Variants in CDK19 observed in about 807,000 individuals in gnomAD.
CDK19 encodes the protein cyclin-dependent kinase 19.
Under a neutral mutation model 68.3 loss-of-function variants are expected in CDK19, and 20 were observed. That is an observed-to-expected ratio of 0.29 (90% CI 0.21 to 0.43). CDK19 has a LOEUF of 0.43. Among genes scored for constraint, CDK19 ranks in the 20% least tolerant of loss-of-function variants. CDK19 has a pLI of 1.00. For missense variants in CDK19, 339 were observed against 623.5 expected, an observed-to-expected ratio of 0.54 and a Z score of 4.86; for synonymous variants, 221 against 222.8, an observed-to-expected ratio of 0.99 and a Z score of 0.07.
chr6:110,751,465 T>C (rs1240637143), intron 1 of CDK19, among the ~76,000 whole-genome samples: 2 of 152,068 alleles, frequency 1.3e-5, no homozygotes, highest in South Asian at 2.1e-4. Context: ...GATGGGACCA[T>C]CTAGTTGCAG....
Position 110,758,942 on chromosome 6 carries a change from T to C in CDK19, c.129-12741A>G, listed in dbSNP as rs1011779033. 2.4e-4 allele frequency among the ~76,000 whole-genome samples: 37 copies of C among 151,248 alleles called. 1 individual carries two copies. The highest frequency in any genetic ancestry group is 8.7e-4 in the African/African-American group (36 of 41,222). On this transcript the variant is annotated intron_variant, in intron 1 of 12. Transcript: ENST00000368911. ...TTCATGAAATCATCTCAAATATAAATATCAATGAAAAATAAATACTTAAAA... is the reference window on the plus strand; with the variant it reads ...TTCATGAAATCATCTCAAATATAAACATCAATGAAAAATAAATACTTAAAA...
chr6:110,773,228 C>G lies in CDK19; in HGVS notation c.129-27027G>C, dbSNP rs541718524. ...GGCGTGATGGTGCGTGTCTGTAGTT[C>G]CAGCTACTTGGGAGGCTGAGGCAGG... On this transcript the variant is annotated intron_variant, in intron 1 of 12. Coordinates refer to ENST00000368911, the MANE Select transcript of CDK19 (RefSeq NM_015076.5). Among the ~76,000 whole-genome samples, 130 of 151,954 alleles carry G rather than the reference C, an allele frequency of 8.6e-4. 1 individual carries two copies. Among genetic ancestry groups the G allele is most frequent in the Admixed American group, 1.8e-3 (28 of 15,266 alleles).
intron 4 of CDK19, among the ~76,000 whole-genome samples, chr6:110,649,544 A>G (rs939877065): frequency 6.6e-6 from 1 of 152,238 alleles, no homozygotes; most frequent in Non-Finnish European, 1.5e-5. Flanking sequence ...TCCAATTATC[A>G]AAAGATAAAG....
Position 110,651,232 on chromosome 6 carries a change from A to AT in CDK19, c.457-12527_457-12526insA, listed in dbSNP as rs142094350. Among the ~76,000 whole-genome samples, 14 of 149,936 alleles carry AT rather than the reference A, an allele frequency of 9.3e-5. No homozygotes were observed. In the Middle Eastern group the frequency reaches 0.017, roughly 182 times the overall value. On this transcript the variant is annotated intron_variant, in intron 4 of 12. Transcript: ENST00000368911. ...ATTTTTAAATAGTTGAAATAGATCTACTATCTATCTATCTATCTATCTATC... is the reference window on the plus strand; with the variant it reads ...ATTTTTAAATAGTTGAAATAGATCTATCTATCTATCTATCTATCTATCTATC...
At chr6:110,768,957 A>G (rs1779784329) in intron 1 of CDK19, among the ~76,000 whole-genome samples, 1 of 151,886 alleles carries the variant, frequency 6.6e-6, no homozygotes, top group African/African-American at 2.4e-5. Flanking sequence ...GTTTGAGACC[A>G]GCCTGGCCAA....
intron 6 of CDK19, among the ~76,000 whole-genome samples, chr6:110,627,913 T>C (rs1393134289): frequency 6.6e-6 from 1 of 152,112 alleles, no homozygotes; most frequent in African/African-American, 2.4e-5. Context: ...ATAGACCATA[T>C]AAAAGAATTG....
At chr6:110,697,398 A>G (rs1336978049) in intron 2 of CDK19, among the ~76,000 whole-genome samples, 1 of 152,140 alleles carries the variant, frequency 6.6e-6, no homozygotes, top group African/African-American at 2.4e-5. Flanking sequence ...CTGCAAAAAA[A>G]TAAAATAAAA....
intron 1 of CDK19, among the ~76,000 whole-genome samples, chr6:110,751,975 G>C (rs1003278517): frequency 1.3e-5 from 2 of 151,518 alleles, no homozygotes; most frequent in African/African-American, 2.4e-5. Context: ...ATTATGTGAT[G>C]ATTTGGCTTA....
chr6:110,760,939 C>CA (rs1311285906), intron 1 of CDK19, among the ~76,000 whole-genome samples: 1 of 152,166 alleles, frequency 6.6e-6, no homozygotes, highest in African/African-American at 2.4e-5. Context: ...TTTCCCTTCT[C>CA]AGACGGGGAA....
At chr6:110,671,500 T>C (rs1360422335) in intron 2 of CDK19, among the ~76,000 whole-genome samples, 2 of 152,170 alleles carry the variant, frequency 1.3e-5, no homozygotes, top group East Asian at 3.9e-4. Flanking sequence ...TGCAAGATGA[T>C]TATATACAAA....
At chr6:110,721,824 C>T (rs1471034774) in intron 2 of CDK19, among the ~76,000 whole-genome samples, 2 of 152,068 alleles carry the variant, frequency 1.3e-5, no homozygotes, top group East Asian at 1.9e-4. Context: ...ATTAGCCAGG[C>T]GTGGTGGTGC....
At chr6:110,643,230 T>C in intron 4 of CDK19, 4 of 1,276,154 alleles carry the variant, frequency 3.1e-6, no homozygotes, top group Non-Finnish European at 4.1e-6. Context: ...ATTTTCCAGC[T>C]AAAAGACACA....
At chr6:110,677,481 G>T (rs375862333) in intron 2 of CDK19, among the ~76,000 whole-genome samples, 1 of 151,872 alleles carries the variant, frequency 6.6e-6, no homozygotes, top group East Asian at 1.9e-4. Context: ...CAGGAGAATG[G>T]CATGAACCTG....
At chr6:110,679,420 C>T (rs779758346) in intron 2 of CDK19, among the ~76,000 whole-genome samples, 1 of 151,902 alleles carries the variant, frequency 6.6e-6, no homozygotes. Flanking sequence ...TGAGACCAGA[C>T]TGGCCAACAT....
intron 1 of CDK19, among the ~76,000 whole-genome samples, chr6:110,780,327 T>G (rs948180905): frequency 4.7e-5 from 7 of 150,292 alleles, no homozygotes; most frequent in African/African-American, 1.5e-4. Context: ...GAGGCAGAGG[T>G]TGCAGTGAGC....
At chr6:110,625,641 T>C (rs1050653575) in intron 8 of CDK19, among the ~76,000 whole-genome samples, 6 of 152,252 alleles carry the variant, frequency 3.9e-5, no homozygotes, top group African/African-American at 1.4e-4. Context: ...AGATACATAT[T>C]GGGAGTTATC....
chr6:110,654,024 T>C (rs1384588736), intron 4 of CDK19, among the ~76,000 whole-genome samples: 4 of 152,208 alleles, frequency 2.6e-5, no homozygotes, highest in Non-Finnish European at 5.9e-5. Flanking sequence ...AACACAATTG[T>C]CTACAATCCT....
At chr6:110,744,538 A>C (rs1452421309) in intron 2 of CDK19, among the ~76,000 whole-genome samples, 1 of 152,172 alleles carries the variant, frequency 6.6e-6, no homozygotes, top group Non-Finnish European at 1.5e-5. Context: ...TCTCTAAAAA[A>C]AAATTTAAAA....
chr6:110,629,650 G>A (rs1035660865), intron 6 of CDK19, among the ~76,000 whole-genome samples: 6 of 152,140 alleles, frequency 3.9e-5, no homozygotes, highest in Admixed American at 6.6e-5. Flanking sequence ...CACCTTGCCC[G>A]GCCCTAAGTA....
Sources: allele counts gnomAD v4.1 joint callset (sites outside exome capture counted in the v4.1 genomes callset), GRCh38; gene constraint gnomAD v4.1.1; transcripts MANE v1.5; gene names NCBI Gene and HGNC (gene_info 2026-07-23, HGNC 2026-07-21).